C19orf67: variants seen among roughly 807,000 people sequenced by gnomAD.
The protein encoded by C19orf67 is chromosome 19 open reading frame 67, also known as UPF0575 protein C19orf67.
C19orf67 carries 28 observed loss-of-function variants against 41.4 expected under a neutral mutation model. The ratio of observed to expected loss-of-function variants is 0.68; its 90% CI spans 0.50 to 0.93. The LOEUF (loss-of-function observed/expected upper bound fraction) is 0.93. C19orf67 is among the 40% of genes least tolerant of loss of function. C19orf67 has a pLI of 0.00. For synonymous variants in C19orf67, 242 were observed against 203.4 expected, an observed-to-expected ratio of 1.19 and a Z score of -1.62; for missense variants, 421 against 467.0, an observed-to-expected ratio of 0.90 and a Z score of 0.91.
Position 14,085,435 on chromosome 19 carries a change from T to A in C19orf67, c.193A>T (p.Thr65Ser). Reference sequence around the variant, plus strand: ...GGGACCAGAGGTTTGGGGGAAGACGTGGAGGCCCGGGCCTCAGCCAGCCGC... The same window carrying A: ...GGGACCAGAGGTTTGGGGGAAGACGAGGAGGCCCGGGCCTCAGCCAGCCGC... ...EGRLAEARAS[T>S]SSPKPLVPRP... The change falls in exon 1 of 6, where the codon ACG becomes TCG. Residue 65 changes from threonine to serine, a missense_variant. This residue lies in a region of C19orf67 where 160 missense variants were observed against 139.2 expected (regional missense o/e 1.15). Coordinates refer to ENST00000548523, the MANE Select transcript of C19orf67 (RefSeq NM_001277378.2). 6.5e-7 allele frequency: 1 copy of A among 1,535,788 alleles called. No individual in the cohort carries two copies.
At chr19:14,084,674 A>G (rs1317680642) in intron 1 of C19orf67, among the ~76,000 whole-genome samples, 1 of 152,030 alleles carries the variant, frequency 6.6e-6, no homozygotes. Flanking sequence ...CTACTAAGAA[A>G]AGAAAAAAAT....
chr19:14,085,436 G>T lies in C19orf67; in HGVS notation c.192C>A (p.Ser64=). 6.5e-7 allele frequency: 1 copy of T among 1,535,830 alleles called. No homozygotes were observed. Among genetic ancestry groups the T allele is most frequent in the Non-Finnish European group, 8.7e-7 (1 of 1,146,832 alleles). ...AEGRLAEARA[S]TSSPKPLVPR... ...GGACCAGAGGTTTGGGGGAAGACGT[G>T]GAGGCCCGGGCCTCAGCCAGCCGCC... Residue 64 remains serine, a synonymous_variant, in exon 1 of 6, where the codon TCC becomes TCA. Transcript: ENST00000548523.
rs1407288555 is a variant in C19orf67, at chr19:14,082,577, C to T, written c.794G>A (p.Trp265Ter). ...DYYFLCYRDTWEDTGQSPANS... is the reference protein window; with the variant it reads ...DYYFLCYRDT ...GGCTGGACTCTGGCCTGTGTCTTCC[C>T]AAGTATCTCGATAGCACAGAAAGTA... The change falls in exon 5 of 6, where the codon TGG becomes TAG. Residue 265 changes from tryptophan (W) to a stop codon, truncating the protein, a stop_gained. Coordinates refer to ENST00000548523, the MANE Select transcript of C19orf67 (RefSeq NM_001277378.2). LOFTEE classifies it high-confidence loss of function. 2.0e-6 allele frequency: 3 copies of T among 1,536,220 alleles called. No individual in the cohort carries two copies. The highest frequency in any genetic ancestry group is 1.4e-5 in the African/African-American group (1 of 73,020).
intron 1 of C19orf67, among the ~76,000 whole-genome samples, chr19:14,084,377 G>A (rs1976820359): frequency 6.7e-6 from 1 of 149,954 alleles, no homozygotes; most frequent in African/African-American, 2.5e-5. Flanking sequence ...GTGACAGAGC[G>A]AGACCCTGTC....
At position 14,083,619 on chromosome 19, in the gene C19orf67, G is replaced by C. The variant is rs1489238203; in HGVS notation, c.481-14C>G. The stretch of plus-strand genomic sequence containing the variant: ...GATCTCTAACAGCTGCATACAAGAG[G>C]GGGGTACAGTGAGATCAGCTGGCCT... On this transcript the variant is annotated splice_polypyrimidine_tract_variant and intron_variant, in intron 2 of 5. Transcript: ENST00000548523. The C allele has an allele frequency of 5.2e-6, 8 of 1,535,348 alleles. No homozygotes were observed. The highest frequency in any genetic ancestry group is 3.9e-5 in the Admixed American group (2 of 50,972).
At position 14,083,240 on chromosome 19, in the gene C19orf67, T is replaced by G. The variant is rs1487719402; in HGVS notation, c.764A>C (p.Asp255Ala). ...TGATTTGGGTAAGAGGACTTACTAATCCACAAGGGAATCTTGTCCCCGACC... is the reference window on the plus strand; with the variant it reads ...TGATTTGGGTAAGAGGACTTACTAAGCCACAAGGGAATCTTGTCCCCGACC... ...APGRGQDSLV[D>A]YYFLCYRDTW... Residue 255 changes from aspartate (D) to alanine (A), a missense_variant, in exon 4 of 6, where the codon GAT (aspartate) becomes GCT (alanine). Physicochemically the swap from Asp to Ala is moderately radical, Grantham distance 126. Around this residue, in one of 3 missense-constraint regions of C19orf67, gnomAD observed 253 missense variants for 307.0 expected, o/e 0.82. Coordinates refer to ENST00000548523, the MANE Select transcript of C19orf67 (RefSeq NM_001277378.2). The G allele has an allele frequency of 1.3e-6, 2 of 1,535,916 alleles. No homozygotes were observed. Among genetic ancestry groups the G allele is most frequent in the Non-Finnish European group, 1.7e-6 (2 of 1,146,798 alleles).
rs532711615 is a variant in C19orf67 at position 14,083,772 on chromosome 19, G to T, written c.441C>A (p.Pro147=). The change falls in exon 2 of 6, where the codon CCC becomes CCA. Residue 147 remains proline, a synonymous_variant. Coordinates refer to ENST00000548523, the MANE Select transcript of C19orf67 (RefSeq NM_001277378.2). ...LYLEAAARSI[P]PIYGPLQELV... ...GCTCCTGCAGGGGTCCATAGATGGGGGGTATGCTTCTCGCGGCTGCCTCCA... is the reference window on the plus strand; with the variant it reads ...GCTCCTGCAGGGGTCCATAGATGGGTGGTATGCTTCTCGCGGCTGCCTCCA... 17 of 1,428,088 alleles carry T rather than the reference G, an allele frequency of 1.2e-5. No homozygotes were observed. The East Asian group carries it at 4.0e-4, about 34-fold the overall frequency. The allele number at this position is 1,428,088 out of a possible 1,614,324, so 88.5% of individuals were successfully genotyped here. A position where few individuals can be genotyped will look rare whatever the true frequency, so the allele number is the denominator to read the frequency against.
At chr19:14,082,664 C>T (rs1976787130) in intron 4 of C19orf67, 61 bp from the exon 5 acceptor site, 1 of 1,481,658 alleles carries the variant, frequency 6.7e-7, no homozygotes, top group Admixed American at 2.2e-5. Context: ...CTGTTGAGGG[C>T]TTTAATTTTG....
At position 14,083,573 on chromosome 19, in the gene C19orf67, G is replaced by A; in HGVS notation, c.513C>T (p.Arg171=). The change falls in exon 3 of 6, where the codon CGC becomes CGT. Residue 171 remains arginine, a synonymous_variant. Transcript: ENST00000548523. ...LLEISQQLTL[R]LEQLVLMYAS... ...CGTACATGAGGACCAGCTGTTCCAG[G>A]CGCAGGGTCAGCTGTTGGGAGATCT... 1.3e-6 allele frequency: 2 copies of A among 1,536,050 alleles called. No homozygotes were observed. Among genetic ancestry groups the A allele is most frequent in the Non-Finnish European group, 1.7e-6 (2 of 1,146,862 alleles).
Position 14,084,020 on chromosome 19 carries a change from T to C in C19orf67, c.336-143A>G, listed in dbSNP as rs146854782. 2.1e-4 allele frequency: 159 copies of C among 767,332 alleles called. No individual in the cohort carries two copies. In the African/African-American group the frequency reaches 2.7e-3, roughly 13 times the overall value. The allele number at this position is 767,332 out of a possible 1,614,324, so 47.5% of individuals were successfully genotyped here. A position where few individuals can be genotyped will look rare whatever the true frequency, so the allele number is the denominator to read the frequency against. ...CCCAGTTTCAGGTCTTTTCTGAACA[T>C]CTTTCTGGTTTACCTGCATCAAACC... On this transcript the variant is annotated intron_variant, in intron 1 of 5. Coordinates refer to ENST00000548523, the MANE Select transcript of C19orf67 (RefSeq NM_001277378.2).
intron 4 of C19orf67, 87 bp downstream of exon 4, chr19:14,083,150 T>A: frequency 6.4e-6 from 8 of 1,255,754 alleles, no homozygotes; most frequent in East Asian, 2.6e-5. Context: ...CCTGGCTCAC[T>A]TTTCACTTTG....
chr19:14,082,401 T>C, intron 5 of C19orf67, 68 bp downstream of exon 5: 6 of 1,451,400 alleles, frequency 4.1e-6, no homozygotes, highest in Non-Finnish European at 5.5e-6. Context: ...GAAGGTGGAT[T>C]GTCTTTGGTG....
intron 1 of C19orf67, among the ~76,000 whole-genome samples, chr19:14,084,589 T>C (rs950798803): frequency 6.6e-6 from 1 of 151,690 alleles, no homozygotes; most frequent in Admixed American, 6.6e-5. Context: ...TTCCAGCACT[T>C]TGGGAGGCCA....
Position 14,081,696 on chromosome 19 carries a change from G to A in C19orf67, c.*138C>T. On this transcript the variant is annotated 3_prime_UTR_variant, in exon 6 of 6. Coordinates refer to ENST00000548523, the MANE Select transcript of C19orf67 (RefSeq NM_001277378.2). ...AGGGCCCCACGGCCAAGCCGGACTC[G>A]GTGCAGACAGGTCAGCTCGGCCTGG... 6.2e-6 allele frequency: 4 copies of A among 646,966 alleles called. No homozygotes were observed. The allele number at this position is 646,966 out of a possible 1,614,324, so 40.1% of individuals were successfully genotyped here. A position where few individuals can be genotyped will look rare whatever the true frequency, so the allele number is the denominator to read the frequency against.
At chr19:14,082,436 C>T (rs144710078) in intron 5 of C19orf67, 33 bp downstream of exon 5, 17,893 of 1,507,096 alleles carry the variant, frequency 0.012, 124 homozygotes, top group Non-Finnish European at 0.014. Flanking sequence ...CCTCCAGCTC[C>T]CAGGCCCACG....
chr19:14,084,717 A>C (rs55744598), intron 1 of C19orf67, among the ~76,000 whole-genome samples: 1,903 of 151,266 alleles, frequency 0.013, 13 homozygotes, highest in Non-Finnish European at 0.02. Flanking sequence ...GGGCGCCTGT[A>C]ATCCCAGCTA....
In C19orf67 at chr19:14,085,368, A is replaced by C; in HGVS notation, c.260T>G (p.Leu87Trp). The change falls in exon 1 of 6, where the codon TTG becomes TGG. Residue 87 changes from leucine to tryptophan, a missense_variant. By Grantham distance (61) the Leu-to-Trp change is moderately conservative (BLOSUM62 -2). Coordinates refer to ENST00000548523, the MANE Select transcript of C19orf67 (RefSeq NM_001277378.2). ...CAGCTGTTGGGTGATGGGGCTGAAC[A>C]AAGTGTCCAGGGATAGGCGGGGAGG... ...PAPPRLSLDTLFSPITQQLRY... is the reference protein window; with the variant it reads ...PAPPRLSLDTWFSPITQQLRY... 6.5e-7 allele frequency: 1 copy of C among 1,536,216 alleles called. No individual in the cohort carries two copies. The highest frequency in any genetic ancestry group is 8.7e-7 in the Non-Finnish European group (1 of 1,146,932).
Position 14,081,641 on chromosome 19 carries a change from A to T in C19orf67, c.*193T>A. ...AGCCTGTGACCTCTTTCTTTCTTTT[A>T]TTTAACACAAAACTGACGTGTCCGC... On this transcript the variant is annotated 3_prime_UTR_variant, in exon 6 of 6. Coordinates refer to ENST00000548523, the MANE Select transcript of C19orf67 (RefSeq NM_001277378.2). The T allele has an allele frequency of 2.3e-6, 1 of 440,248 alleles. No homozygotes were observed. Among genetic ancestry groups the T allele is most frequent in the Non-Finnish European group, 4.0e-6 (1 of 252,092 alleles). 27.3% of individuals were successfully genotyped at this position (440,248 alleles called of 1,614,324 possible).
Position 14,081,867 on chromosome 19 carries a change from G to C in C19orf67, c.1044C>G (p.Ala348=). The change falls in exon 6 of 6, where the codon GCC becomes GCG. Residue 348 remains alanine (A), a synonymous_variant. Coordinates refer to ENST00000548523, the MANE Select transcript of C19orf67 (RefSeq NM_001277378.2). ...CCTGCGCTGCCCACCCCGCAGGCCC[G>C]GCTGCGCTCGGAGGCCGGGCCTGGC... ...QAGQARPPSA[A]GPAGWAAQGS is the part of the protein sequence containing the mutation. 6.5e-7 allele frequency: 1 copy of C among 1,533,142 alleles called. No homozygotes were observed. The highest frequency in any genetic ancestry group is 8.7e-7 in the Non-Finnish European group (1 of 1,145,340). 95.0% of individuals were successfully genotyped at this position (1,533,142 alleles called of 1,614,324 possible). A position where few individuals can be genotyped will look rare whatever the true frequency, so the allele number is the denominator to read the frequency against.
Sources: gnomAD v4.1 joint callset for allele counts (sites outside exome capture counted in the v4.1 genomes callset) on GRCh38, gnomAD v4.1.1 for gene constraint, gnomAD v4.1.1 regional missense constraint, MANE v1.5 for transcripts, NCBI Gene and HGNC (gene_info 2026-07-23, HGNC 2026-07-21) for gene names.